The following RMST variants were observed in gnomAD, a reference collection of about 807,000 sequenced individuals.
RMST encodes the protein rhabdomyosarcoma 2 associated transcript.
chr12:97,562,177 G>C (rs1248802221), intron 13 of RMST, among the ~76,000 whole-genome samples: 2 of 152,130 alleles, frequency 1.3e-5, no homozygotes, highest in Non-Finnish European at 2.9e-5. Flanking sequence ...CTTCAGTACT[G>C]ATCCAAAGGA....
intron 11 of RMST, among the ~76,000 whole-genome samples, chr12:97,560,095 CA>C (rs550146590): frequency 2.0e-3 from 305 of 152,008 alleles, no homozygotes; most frequent in African/African-American, 7.2e-3. Context: ...CATTGAAGTT[CA>C]TGAAGACTTA....
intron 4 of RMST, among the ~76,000 whole-genome samples, chr12:97,465,502 G>A (rs1873077372): frequency 6.6e-6 from 1 of 152,202 alleles, no homozygotes; most frequent in Non-Finnish European, 1.5e-5. Flanking sequence ...GATGGATGCT[G>A]CAGAAAACAT....
At chr12:97,529,063 T>C (rs1019391865) in intron 10 of RMST, among the ~76,000 whole-genome samples, 17 of 152,062 alleles carry the variant, frequency 1.1e-4, no homozygotes, top group Non-Finnish European at 2.1e-4. Flanking sequence ...CAGCAAGATA[T>C]CTATATCTAT....
At chr12:97,552,516 G>C (rs979079750) in intron 11 of RMST, among the ~76,000 whole-genome samples, 1 of 152,106 alleles carries the variant, frequency 6.6e-6, no homozygotes, top group Non-Finnish European at 1.5e-5. Flanking sequence ...AAGCCCTTCA[G>C]GGGTACAAAT....
intron 5 of RMST, among the ~76,000 whole-genome samples, chr12:97,476,090 A>C (rs1276344919): frequency 3.3e-5 from 5 of 152,138 alleles, no homozygotes; most frequent in Admixed American, 3.3e-4. Flanking sequence ...ATTCTGGATA[A>C]ATGTCTGTTG....
intron 11 of RMST, among the ~76,000 whole-genome samples, chr12:97,545,601 A>T (rs1882869603): frequency 6.6e-6 from 1 of 152,012 alleles, no homozygotes; most frequent in Non-Finnish European, 1.5e-5. Flanking sequence ...TTTGGAAAGC[A>T]CTCTCAGTTT....
At chr12:97,480,292 G>C (rs1269041909) in intron 5 of RMST, among the ~76,000 whole-genome samples, 1 of 151,770 alleles carries the variant, frequency 6.6e-6, no homozygotes, top group East Asian at 1.9e-4. Flanking sequence ...GGGTTTCACC[G>C]TGTTAGCTAG....
chr12:97,552,171 T>C lies in RMST; in HGVS notation n.1546-8366T>C, dbSNP rs1480700546. ...ATCATTTCTAGAAAGTTAATTTTAA[T>C]GATACTAATGACTGAAGCTGAGTTT... On this transcript the variant is annotated intron_variant and non_coding_transcript_variant, in intron 11 of 13. Coordinates refer to ENST00000640149, the Ensembl canonical transcript of RMST. The C allele has an allele frequency of 4.6e-5, 7 of 152,210 alleles. No individual in the cohort carries two copies. In the South Asian group the frequency reaches 1.2e-3, roughly 27 times the overall value. The allele number at this position is 152,210 out of a possible 1,614,324, so 9.4% of individuals were successfully genotyped here. A position where few individuals can be genotyped will look rare whatever the true frequency, so the allele number is the denominator to read the frequency against.
intron 5 of RMST, among the ~76,000 whole-genome samples, chr12:97,481,810 C>T (rs1875323373): frequency 6.6e-6 from 1 of 152,130 alleles, no homozygotes; most frequent in Admixed American, 6.6e-5. Flanking sequence ...GAAATTTGGG[C>T]AGTACTCATG....
At chr12:97,542,981 A>G (rs762622800) in intron 11 of RMST, among the ~76,000 whole-genome samples, 2 of 151,924 alleles carry the variant, frequency 1.3e-5, no homozygotes, top group Non-Finnish European at 1.5e-5. Flanking sequence ...CACACCTCGT[A>G]TGTGTTTGGG....
intron 10 of RMST, among the ~76,000 whole-genome samples, chr12:97,507,262 T>G (rs1878793544): frequency 1.4e-5 from 2 of 143,218 alleles, no homozygotes; most frequent in African/African-American, 5.9e-5. Context: ...TTATTGTTTT[T>G]TTTTTGTTTT....
exon 14 of RMST, chr12:97,564,372 A>G (rs1258943146): frequency 1.3e-5 from 2 of 155,970 alleles, no homozygotes; most frequent in Admixed American, 1.3e-4. Context: ...GAGAGCCATA[A>G]ATCCGCCAAG....
At chr12:97,528,695 A>G (rs1409978038) in intron 10 of RMST, among the ~76,000 whole-genome samples, 1 of 152,198 alleles carries the variant, frequency 6.6e-6, no homozygotes, top group African/African-American at 2.4e-5. Context: ...GGTAATCCAT[A>G]TAAAGCCTAA....
At chr12:97,490,735 C>T (rs887613504) in intron 5 of RMST, among the ~76,000 whole-genome samples, 6 of 152,042 alleles carry the variant, frequency 3.9e-5, no homozygotes, top group African/African-American at 1.4e-4. Flanking sequence ...CTAAACAAGG[C>T]AATTAGAGCA....
intron 10 of RMST, among the ~76,000 whole-genome samples, chr12:97,505,309 G>A (rs1340458395): frequency 3.9e-5 from 6 of 152,254 alleles, no homozygotes; most frequent in Non-Finnish European, 8.8e-5. Context: ...ATGAATGCCA[G>A]TCTCGTCAAA....
chr12:97,532,130 A>T (rs143998450), intron 11 of RMST, among the ~76,000 whole-genome samples: 2 of 152,110 alleles, frequency 1.3e-5, no homozygotes, highest in East Asian at 3.9e-4. Context: ...ATTTAATTTC[A>T]TCAGTAAGAA....
chr12:97,555,886 G>C (rs995477956), intron 11 of RMST, among the ~76,000 whole-genome samples: 6 of 152,186 alleles, frequency 3.9e-5, no homozygotes, highest in African/African-American at 1.4e-4. Context: ...TTACCGGCTG[G>C]CTTCAAATTT....
At chr12:97,520,311 A>G (rs1302346037) in intron 10 of RMST, among the ~76,000 whole-genome samples, 3 of 152,158 alleles carry the variant, frequency 2.0e-5, no homozygotes, top group Non-Finnish European at 4.4e-5. Flanking sequence ...CCTCTGCAGG[A>G]GACAGCTCAT....
intron 5 of RMST, among the ~76,000 whole-genome samples, chr12:97,473,556 A>G (rs1328281521): frequency 6.6e-6 from 1 of 152,182 alleles, no homozygotes; most frequent in Non-Finnish European, 1.5e-5. Flanking sequence ...ATAGGCTAAC[A>G]CATTCTATGT....
Sources: allele counts gnomAD v4.1 joint callset (sites outside exome capture counted in the v4.1 genomes callset), GRCh38; gene constraint gnomAD v4.1.1; transcripts MANE v1.5; gene names NCBI Gene and HGNC (gene_info 2026-07-23, HGNC 2026-07-21).